Variants in LTA observed in about 807,000 individuals in gnomAD.
LTA encodes lymphotoxin-alpha.
LTA carries 6 observed loss-of-function variants against 15.1 expected under a neutral mutation model. The observed-to-expected ratio is 0.40, with a 90% CI of 0.22 to 0.78. LTA has a LOEUF of 0.78. Among genes scored for constraint, LTA ranks in the 30% least tolerant of loss-of-function variants. LTA has a pLI of 0.38. For synonymous variants in LTA, 87 were observed against 107.3 expected, an observed-to-expected ratio of 0.81 and a Z score of 1.17; for missense variants, 173 against 249.5, an observed-to-expected ratio of 0.69 and a Z score of 2.06.
At chr6:31,566,674 G>A in the LTA span, among the ~76,000 whole-genome samples, 1 of 146,424 alleles carries the variant, frequency 6.8e-6, no homozygotes, top group Admixed American at 6.9e-5. Context: ...TGGGTGCGGT[G>A]TCTCACGCCT....
the LTA span, among the ~76,000 whole-genome samples, chr6:31,562,577 AAGAT>A: frequency 6.6e-6 from 1 of 152,212 alleles, no homozygotes; most frequent in African/African-American, 2.4e-5. Context: ...TAAAGAGACA[AAGAT>A]AGGCCAGGTG....
At chr6:31,570,283 C>T (rs1770764414), upstream of LTA, among the ~76,000 whole-genome samples, 1 of 152,136 alleles carries the variant, frequency 6.6e-6, no homozygotes, top group Non-Finnish European at 1.5e-5. Context: ...TAGAGAAGAA[C>T]AGGAGAAATA....
chr6:31,561,162 G>A, the LTA span, among the ~76,000 whole-genome samples: 1 of 152,156 alleles, frequency 6.6e-6, no homozygotes, highest in Non-Finnish European at 1.5e-5. Context: ...AGAAGCACAG[G>A]TGTGAGGGAA....
In LTA at chr6:31,574,190, G is replaced by A; in HGVS notation, c.*497G>A. On this transcript the variant is annotated 3_prime_UTR_variant, in exon 4 of 4. Transcript: ENST00000418386. ...GGCATGCGCACAAGGCTGACCAAGA[G>A]AGAAAGAAGTAGGCATGAGGGATCA... The A allele has an allele frequency of 8.4e-6, 2 of 237,730 alleles. No homozygotes were observed. Among genetic ancestry groups the A allele is most frequent in the South Asian group, 4.5e-5 (1 of 22,236 alleles). 14.7% of individuals were successfully genotyped at this position (237,730 alleles called of 1,614,324 possible).
At chr6:31,567,595 C>T (rs1418264421), upstream of LTA, among the ~76,000 whole-genome samples, 1 of 82,664 alleles carries the variant, frequency 1.2e-5, no homozygotes, top group Non-Finnish European at 2.4e-5. Flanking sequence ...CCTCTGCTCA[C>T]CTCCCTCTTT....
chr6:31,574,152 T>G lies in LTA; in HGVS notation c.*459T>G. 3.1e-6 allele frequency: 1 copy of G among 322,396 alleles called. No individual in the cohort carries two copies. The highest frequency in any genetic ancestry group is 6.0e-6 in the Non-Finnish European group (1 of 166,104). 20.0% of individuals were successfully genotyped at this position (322,396 alleles called of 1,614,324 possible). On this transcript the variant is annotated 3_prime_UTR_variant, in exon 4 of 4. Transcript: ENST00000418386. Reference sequence around the variant, plus strand: ...GAGAAACAGAGACAGGCCCAAGAGATGAAGAGTGAGAGGGCATGCGCACAA... The same window carrying G: ...GAGAAACAGAGACAGGCCCAAGAGAGGAAGAGTGAGAGGGCATGCGCACAA...
chr6:31,571,101 C>G (rs1755885289), upstream of LTA, among the ~76,000 whole-genome samples: 1 of 151,432 alleles, frequency 6.6e-6, no homozygotes. Flanking sequence ...TGCTCTGTCC[C>G]CCAGGCTGGA....
the LTA span, among the ~76,000 whole-genome samples, chr6:31,561,652 C>G: frequency 6.6e-6 from 1 of 151,566 alleles, no homozygotes; most frequent in South Asian, 2.1e-4. Flanking sequence ...GATCATGCCT[C>G]TGCTCTCCAG....
chr6:31,573,089 G>C (rs1770944953), intron 3 of LTA, 56 bp downstream of exon 3: 5 of 1,465,252 alleles, frequency 3.4e-6, no homozygotes, highest in Non-Finnish European at 4.7e-6. Context: ...TCCTACCCCT[G>C]CCTCAGGAAC....
intron 2 of LTA, 23 bp from the exon 3 acceptor site, chr6:31,572,905 C>G: frequency 6.2e-7 from 1 of 1,611,038 alleles, no homozygotes; most frequent in Non-Finnish European, 8.5e-7. Flanking sequence ...CCTAGAGCCC[C>G]CCTCAACTCT....
chr6:31,567,667 CACACACACACGCACGCAT>C (rs56824093), upstream of LTA, among the ~76,000 whole-genome samples: 32,511 of 114,488 alleles, frequency 0.28, 3,949 homozygotes, highest in Non-Finnish European at 0.32. Flanking sequence ...CACACACACA[CACACACACACGCACGCAT>C]GCACGCACCA....
upstream of LTA, among the ~76,000 whole-genome samples, chr6:31,567,199 G>T (rs1359361174): frequency 6.6e-6 from 1 of 151,512 alleles, no homozygotes; most frequent in Non-Finnish European, 1.5e-5. Flanking sequence ...GGAGGCTGAA[G>T]CAGGAGAATC....
At chr6:31,566,152 T>C in the LTA span, among the ~76,000 whole-genome samples, 1 of 148,510 alleles carries the variant, frequency 6.7e-6, no homozygotes, top group African/African-American at 2.5e-5. Context: ...CACTCCAACC[T>C]GGGCAACAGA....
chr6:31,569,055 G>T (rs1464350316), upstream of LTA, among the ~76,000 whole-genome samples: 4 of 152,196 alleles, frequency 2.6e-5, no homozygotes, highest in East Asian at 5.8e-4. Flanking sequence ...TGTTGCCCAG[G>T]CTGGAGGGCA....
upstream of LTA, among the ~76,000 whole-genome samples, chr6:31,571,658 A>G (rs2516312): frequency 0.018 from 2,656 of 151,042 alleles, 30 homozygotes; most frequent in African/African-American, 0.029. Context: ...ATCTCTGAGT[A>G]AGGGGACCAA....
rs1055478912 is a variant in LTA, at chr6:31,573,801, T to C, written c.*108T>C. 5.0e-5 allele frequency: 64 copies of C among 1,281,160 alleles called. No homozygotes were observed. Among genetic ancestry groups the C allele is most frequent in the Non-Finnish European group, 6.8e-5 (61 of 894,924 alleles). 79.4% of individuals were successfully genotyped at this position (1,281,160 alleles called of 1,614,324 possible). A position where few individuals can be genotyped will look rare whatever the true frequency, so the allele number is the denominator to read the frequency against. ...TCGTCACCACCTCTCCTTTGGCCATTCCAACAGCTCAAGTCTTCCCTGATC... is the reference window on the plus strand; with the variant it reads ...TCGTCACCACCTCTCCTTTGGCCATCCCAACAGCTCAAGTCTTCCCTGATC... On this transcript the variant is annotated 3_prime_UTR_variant, in exon 4 of 4. Transcript: ENST00000418386.
upstream of LTA, among the ~76,000 whole-genome samples, chr6:31,571,420 G>T (rs1489607945): frequency 6.6e-6 from 1 of 152,132 alleles, no homozygotes; most frequent in Non-Finnish European, 1.5e-5. Context: ...AAGTCCCTTA[G>T]CTGTCCCCAC....
upstream of LTA, among the ~76,000 whole-genome samples, chr6:31,567,098 T>C (rs554798678): frequency 1.3e-5 from 2 of 151,360 alleles, no homozygotes; most frequent in Admixed American, 6.6e-5. Flanking sequence ...GAGTTTGAGA[T>C]CAGCCTGACT....
In LTA at chr6:31,574,071, T is replaced by A. The variant is rs3093547; in HGVS notation, c.*378T>A. On this transcript the variant is annotated 3_prime_UTR_variant, in exon 4 of 4. Transcript: ENST00000418386. Reference sequence around the variant, plus strand: ...GGGACTATTTATGAAGGCAAAAAAATTAAATTATTTATTTATGGAGGATGG... The same window carrying A: ...GGGACTATTTATGAAGGCAAAAAAAATAAATTATTTATTTATGGAGGATGG... The A allele has an allele frequency of 0.019, 7,455 of 396,748 alleles. 164 individuals carry two copies. The highest frequency in any genetic ancestry group is 0.056 in the South Asian group (2,557 of 45,962). The allele number at this position is 396,748 out of a possible 1,614,324, so 24.6% of individuals were successfully genotyped here. A position where few individuals can be genotyped will look rare whatever the true frequency, so the allele number is the denominator to read the frequency against.
Sources: allele counts gnomAD v4.1 joint callset (sites outside exome capture counted in the v4.1 genomes callset), GRCh38; gene constraint gnomAD v4.1.1; transcripts MANE v1.5; gene names NCBI Gene and HGNC (gene_info 2026-07-23, HGNC 2026-07-21).